Variants in ASCC3 observed in about 807,000 individuals in gnomAD.
ASCC3 encodes activating signal cointegrator 1 complex subunit 3, also known as ASC-1 complex subunit P200.
A neutral mutation model predicts 256.3 loss-of-function variants in ASCC3; 158 were observed. The ratio of observed to expected loss-of-function variants is 0.62; its 90% CI spans 0.54 to 0.70. The LOEUF is 0.70. Among genes scored for constraint, ASCC3 ranks in the 30% least tolerant of loss-of-function variants. ASCC3 has a pLI of 0.00. For synonymous variants in ASCC3, 948 were observed against 883.4 expected (o/e 1.07, Z -1.30); for missense variants, 2,259 against 2,626.0 (o/e 0.86, Z 3.05).
chr6:100,669,578 G>A (rs1334365027), intron 14 of ASCC3, among the ~76,000 whole-genome samples: 2 of 151,686 alleles, frequency 1.3e-5, no homozygotes, highest in Non-Finnish European at 3.0e-5. Context: ...ATTTCCTGGA[G>A]GGAATACTAA....
At chr6:100,667,356 C>T (rs1174124763) in intron 14 of ASCC3, among the ~76,000 whole-genome samples, 1 of 152,016 alleles carries the variant, frequency 6.6e-6, no homozygotes, top group Non-Finnish European at 1.5e-5. Flanking sequence ...GCATTCTGTT[C>T]AGAGGGTGTG....
At chr6:100,687,174 T>C (rs940085207) in intron 13 of ASCC3, among the ~76,000 whole-genome samples, 25 of 152,228 alleles carry the variant, frequency 1.6e-4, no homozygotes, top group Admixed American at 1.3e-3. Context: ...TGTGTTGTTA[T>C]ATTCTATAGA....
Position 100,655,734 on chromosome 6 carries a change from GA to G in ASCC3, c.2787del (p.Pro930HisfsTer2), listed in dbSNP as rs1431051183. ...YTYLYVRMRANPLAYGISHKA... is the reference protein window; with the variant it reads ...YTYLYVRMRAXPLAYGISHKA... ...TTGTGACTGATGCCATATGCTAATG[GA>G]TTTGCTCTCATCCGTACATAAAGAT... On this transcript the variant is annotated frameshift_variant, in exon 17 of 42. Transcript: ENST00000369162. LOFTEE classifies it high-confidence loss of function. The G allele has an allele frequency of 1.2e-6, 2 of 1,611,264 alleles. No homozygotes were observed. Among genetic ancestry groups the G allele is most frequent in the Non-Finnish European group, 1.7e-6 (2 of 1,178,926 alleles).
chr6:100,582,439 A>G (rs2114751645), intron 36 of ASCC3, among the ~76,000 whole-genome samples: 1 of 151,658 alleles, frequency 6.6e-6, no homozygotes, highest in South Asian at 2.1e-4. Flanking sequence ...TTGATTTTGT[A>G]TCCTGAGACT....
In ASCC3 at chr6:100,662,026, G is replaced by A. The variant is rs1441232656; in HGVS notation, c.2483C>T (p.Thr828Ile). 6.2e-7 allele frequency: 1 copy of A among 1,612,842 alleles called. No individual in the cohort carries two copies. The highest frequency in any genetic ancestry group is 2.2e-5 in the East Asian group (1 of 44,840). Residue 828 changes from threonine (T) to isoleucine (I), a missense_variant, in exon 16 of 42, where the codon ACA (threonine) becomes ATA (isoleucine). Thr to Ile is a moderately conservative substitution (Grantham distance 89). Coordinates refer to ENST00000369162, the MANE Select transcript of ASCC3 (RefSeq NM_006828.4). ...LPAHAVIIKGTQIYAAKRGSF... is the reference protein window; with the variant it reads ...LPAHAVIIKGIQIYAAKRGSF... Reference sequence around the variant, plus strand: ...GCCTCTTTTTGCAGCATATATTTGTGTTCCCTAGATGAGGAAAAGTTAACA... The same window carrying A: ...GCCTCTTTTTGCAGCATATATTTGTATTCCCTAGATGAGGAAAAGTTAACA...
At chr6:100,655,138 A>G (rs1775854806) in intron 17 of ASCC3, among the ~76,000 whole-genome samples, 1 of 151,938 alleles carries the variant, frequency 6.6e-6, no homozygotes, top group African/African-American at 2.4e-5. Context: ...CAGAATCTAT[A>G]AGCCACACGG....
At position 100,608,731 on chromosome 6, in the gene ASCC3, T is replaced by TTATATATA. The variant is rs1169558095; in HGVS notation, c.4786-1651_4786-1644dup. ...TATATATATTTTATATATATATACT[T>TTATATATA]TATATATATATATATATATATATAT... On this transcript the variant is annotated intron_variant, in intron 30 of 41. Coordinates refer to ENST00000369162, the MANE Select transcript of ASCC3 (RefSeq NM_006828.4). Among the ~76,000 whole-genome samples, 13 of 2,712 alleles carry TTATATATA rather than the reference T, an allele frequency of 4.8e-3. 2 individuals carry two copies. Among genetic ancestry groups the TTATATATA allele is most frequent in the Admixed American group, 9.6e-3 (1 of 104 alleles). 1.8% of individuals were successfully genotyped at this position (2,712 alleles called of 152,430 possible). A position where few individuals can be genotyped will look rare whatever the true frequency, so the allele number is the denominator to read the frequency against.
intron 10 of ASCC3, among the ~76,000 whole-genome samples, chr6:100,760,436 A>T (rs950726997): frequency 1.3e-5 from 2 of 151,974 alleles, no homozygotes; most frequent in East Asian, 1.9e-4. Context: ...ACATTTATTG[A>T]TTTGCATGTG....
At chr6:100,842,398 A>G (rs1286842171) in intron 4 of ASCC3, among the ~76,000 whole-genome samples, 1 of 152,174 alleles carries the variant, frequency 6.6e-6, no homozygotes, top group Non-Finnish European at 1.5e-5. Context: ...TAATCATACT[A>G]AAACATTATT....
At chr6:100,513,502 G>A (rs1773880358) in intron 39 of ASCC3, among the ~76,000 whole-genome samples, 1 of 152,064 alleles carries the variant, frequency 6.6e-6, no homozygotes, top group Non-Finnish European at 1.5e-5. Flanking sequence ...AATTATTGAT[G>A]TTAGAATCCT....
chr6:100,661,270 TTAAGA>T (rs1356845355), intron 16 of ASCC3, among the ~76,000 whole-genome samples: 1 of 150,392 alleles, frequency 6.6e-6, no homozygotes, highest in Non-Finnish European at 1.5e-5. Context: ...TCTTTACCAG[TTAAGA>T]TGTTACCTAG....
chr6:100,581,481 T>A (rs1313460230), intron 36 of ASCC3, among the ~76,000 whole-genome samples: 2 of 152,326 alleles, frequency 1.3e-5, no homozygotes, highest in East Asian at 3.9e-4. Context: ...TTCTGGATAT[T>A]AGCCTTTTGT....
chr6:100,674,080 T>G (rs1776889375), intron 14 of ASCC3, among the ~76,000 whole-genome samples: 1 of 152,108 alleles, frequency 6.6e-6, no homozygotes, highest in African/African-American at 2.4e-5. Context: ...CTTTGAAAAA[T>G]TCCCAGGTTT....
At chr6:100,815,845 C>G (rs936464154) in intron 4 of ASCC3, among the ~76,000 whole-genome samples, 7 of 152,012 alleles carry the variant, frequency 4.6e-5, no homozygotes, top group Non-Finnish European at 1.0e-4. Context: ...CAATACTATT[C>G]TGAACATAAG....
rs1346997501 is a variant in ASCC3, at chr6:100,661,360, A to ACACAC, written c.2703+445_2703+446insGTGTG. ...ACACACACACACACACACACACACA[A>ACACAC]AACAAATGATCATAATCTAGCTCAA... On this transcript the variant is annotated intron_variant, in intron 16 of 41. Transcript: ENST00000369162. Among the ~76,000 whole-genome samples the ACACAC allele has an allele frequency of 3.0e-4, 24 of 80,830 alleles. No homozygotes were observed. The East Asian group carries it at 4.5e-3, about 15-fold the overall frequency. The allele number at this position is 80,830 out of a possible 152,430, so 53.0% of individuals were successfully genotyped here.
chr6:100,526,629 G>C (rs1006972675), intron 37 of ASCC3, among the ~76,000 whole-genome samples: 1 of 152,166 alleles, frequency 6.6e-6, no homozygotes, highest in Non-Finnish European at 1.5e-5. Context: ...CACTTCCCTA[G>C]TGGAGAATGG....
intron 36 of ASCC3, among the ~76,000 whole-genome samples, chr6:100,553,563 C>T (rs2114689358): frequency 6.6e-6 from 1 of 152,122 alleles, no homozygotes; most frequent in East Asian, 1.9e-4. Context: ...AGACTACTAA[C>T]TGCAAATCTG....
At chr6:100,639,048 T>C (rs747742634) in intron 24 of ASCC3, among the ~76,000 whole-genome samples, 2 of 152,172 alleles carry the variant, frequency 1.3e-5, no homozygotes, top group Non-Finnish European at 2.9e-5. Context: ...GAGTGCCCTA[T>C]AAGCCAACTA....
intron 10 of ASCC3, among the ~76,000 whole-genome samples, chr6:100,726,124 C>T (rs916761659): frequency 6.6e-6 from 1 of 151,554 alleles, no homozygotes; most frequent in Non-Finnish European, 1.5e-5. Context: ...TTCACTCTAC[C>T]GATAATCTAC....
Sources: gnomAD v4.1 joint callset for allele counts (sites outside exome capture counted in the v4.1 genomes callset) on GRCh38, gnomAD v4.1.1 for gene constraint, MANE v1.5 for transcripts, NCBI Gene and HGNC (gene_info 2026-07-23, HGNC 2026-07-21) for gene names.